Variants in HDAC4 observed in about 807,000 individuals in gnomAD.
HDAC4 encodes histone deacetylase 4, also known as histone deacetylase A.
In HDAC4, 16 loss-of-function variants were observed where a neutral mutation model predicts 135.1. The ratio of observed to expected loss-of-function variants is 0.12; its 90% CI spans 0.08 to 0.18. The LOEUF (loss-of-function observed/expected upper bound fraction) is 0.18. HDAC4 is among the 10% of genes least tolerant of loss of function. HDAC4 has a pLI of 1.00. For synonymous variants in HDAC4, 685 were observed against 653.4 expected (o/e 1.05, Z -0.74); for missense variants, 1,143 against 1,511.8 (o/e 0.76, Z 4.05).
chr2:239,189,963 T>C lies in HDAC4; in HGVS notation c.209A>G (p.Gln70Arg). ...PVAEPALREQ[Q>R]LQQELLALKQ... is the part of the protein sequence containing the mutation. ...GAGCGCCAGGAGCTCCTGCTGCAGC[T>C]GCTGCTCCCGCAGGGCCGGCTCTGC... The change falls in exon 4 of 27, where the codon CAG becomes CGG. Residue 70 changes from glutamine (Q) to arginine (R), a missense_variant. This residue lies in a region of HDAC4 where 247 missense variants were observed against 310.0 expected (regional missense o/e 0.80). Transcript: ENST00000543185. 6.2e-7 allele frequency: 1 copy of C among 1,608,960 alleles called. No homozygotes were observed. Among genetic ancestry groups the C allele is most frequent in the Middle Eastern group, 1.7e-4 (1 of 5,920 alleles).
At chr2:239,213,107 C>T (rs943368473) in intron 3 of HDAC4, among the ~76,000 whole-genome samples, 24 of 152,198 alleles carry the variant, frequency 1.6e-4, no homozygotes, top group Non-Finnish European at 2.9e-4. Context: ...TCTCTGGTCC[C>T]GCCAGTACCC....
rs745999402 is a variant in HDAC4, at chr2:239,190,037, C to G, written c.135G>C (p.Ser45=). ...CCAGGCGCAGGTCCATGGGCACTGC[C>G]GAGGGGGCCACTTGCAGAGGCAGCG... ...ATALPLQVAP[S]AVPMDLRLDH... is the part of the protein sequence containing the mutation. Residue 45 remains serine (S), a synonymous_variant, in exon 4 of 27, where the codon TCG becomes TCC. Coordinates refer to ENST00000543185, the MANE Select transcript of HDAC4 (RefSeq NM_001378414.1). 3.7e-6 allele frequency: 6 copies of G among 1,603,456 alleles called. No homozygotes were observed. The highest frequency in any genetic ancestry group is 5.1e-6 in the Non-Finnish European group (6 of 1,179,458).
At chr2:239,108,399 G>A (rs2152786687) in intron 14 of HDAC4, among the ~76,000 whole-genome samples, 1 of 152,258 alleles carries the variant, frequency 6.6e-6, no homozygotes, top group South Asian at 2.1e-4. Context: ...GGGTGGGAGG[G>A]CCTGCCTGTC....
At chr2:239,246,384 T>C (rs1305574265) in intron 2 of HDAC4, among the ~76,000 whole-genome samples, 3 of 152,198 alleles carry the variant, frequency 2.0e-5, no homozygotes, top group Non-Finnish European at 4.4e-5. Context: ...CCGGGGTTGC[T>C]GCAGGCCACA....
At chr2:239,194,894 C>T (rs934283855) in intron 3 of HDAC4, among the ~76,000 whole-genome samples, 12 of 152,242 alleles carry the variant, frequency 7.9e-5, no homozygotes, top group Non-Finnish European at 1.6e-4. Context: ...TGATCCGCCC[C>T]TGGCAGTGCT....
At chr2:239,249,161 C>T (rs572153886) in intron 2 of HDAC4, among the ~76,000 whole-genome samples, 130 of 152,294 alleles carry the variant, frequency 8.5e-4, no homozygotes, top group African/African-American at 3.1e-3. Context: ...GAGGTACACA[C>T]GAGGTGGAGG....
intron 3 of HDAC4, among the ~76,000 whole-genome samples, chr2:239,191,671 C>T (rs560104269): frequency 6.6e-6 from 1 of 152,328 alleles, no homozygotes; most frequent in East Asian, 1.9e-4. Context: ...GCTCCTGGTG[C>T]CCAGGGTGAG....
intron 1 of HDAC4, among the ~76,000 whole-genome samples, chr2:239,392,721 T>A (rs894635577): frequency 6.6e-6 from 1 of 152,134 alleles, no homozygotes; most frequent in African/African-American, 2.4e-5. Context: ...AAGTCCTCAA[T>A]AGCCAGCTGG....
At position 239,398,783 on chromosome 2, in the gene HDAC4, C is replaced by T. The variant is rs1341340195; in HGVS notation, c.-220+2195G>A. ...GTCCTTCGTCCCTAGGCCTTCCAGG[C>T]CCATATGCAGTCCAGTCATCTTCCC... On this transcript the variant is annotated intron_variant, in intron 1 of 26. Transcript: ENST00000543185. Among the ~76,000 whole-genome samples the T allele has an allele frequency of 3.3e-5, 5 of 152,370 alleles. No individual in the cohort carries two copies. In the East Asian group the frequency reaches 7.7e-4, roughly 23 times the overall value.
At chr2:239,153,620 T>TA (rs1341366994) in intron 7 of HDAC4, among the ~76,000 whole-genome samples, 1 of 152,230 alleles carries the variant, frequency 6.6e-6, no homozygotes, top group Non-Finnish European at 1.5e-5. Flanking sequence ...GATGACTTTT[T>TA]AAAAAACTGA....
chr2:239,383,614 G>A (rs979380708), intron 1 of HDAC4, among the ~76,000 whole-genome samples: 2 of 152,060 alleles, frequency 1.3e-5, no homozygotes, highest in African/African-American at 2.4e-5. Flanking sequence ...CTCAAAGAGC[G>A]CCCGATCAAT....
At position 239,052,143 on chromosome 2, in the gene HDAC4, AC is replaced by A. The variant is rs989721043; in HGVS notation, c.*953del. 11 of 152,528 alleles carry A rather than the reference AC, an allele frequency of 7.2e-5. No individual in the cohort carries two copies. Among genetic ancestry groups the A allele is most frequent in the African/African-American group, 2.6e-4 (11 of 41,518 alleles). The allele number at this position is 152,528 out of a possible 1,614,324, so 9.4% of individuals were successfully genotyped here. ...CGTTTAAAATTTGTTGGACTTCAAA[AC>A]CTCCAACGGGATTTGCCACTTTTTT... is the stretch of plus-strand genomic sequence containing the variant. On this transcript the variant is annotated 3_prime_UTR_variant, in exon 27 of 27. Coordinates refer to ENST00000543185, the MANE Select transcript of HDAC4 (RefSeq NM_001378414.1).
chr2:239,143,241 T>C (rs1355968182), intron 8 of HDAC4, among the ~76,000 whole-genome samples: 1 of 148,116 alleles, frequency 6.8e-6, no homozygotes, highest in Non-Finnish European at 1.5e-5. Context: ...GAAGACTCCG[T>C]CTCACCCACT....
At chr2:239,073,801 G>A (rs2034449282) in intron 22 of HDAC4, among the ~76,000 whole-genome samples, 1 of 152,242 alleles carries the variant, frequency 6.6e-6, no homozygotes, top group South Asian at 2.1e-4. Context: ...AGTCTAGTCA[G>A]TGGCAGGATG....
chr2:239,097,090 G>A (rs1321254588), intron 16 of HDAC4, among the ~76,000 whole-genome samples: 1 of 152,232 alleles, frequency 6.6e-6, no homozygotes, highest in Non-Finnish European at 1.5e-5. Context: ...GCGCCATGCA[G>A]ATGCTGTGAC....
intron 2 of HDAC4, among the ~76,000 whole-genome samples, chr2:239,295,024 T>C (rs2125551307): frequency 6.6e-6 from 1 of 152,234 alleles, no homozygotes; most frequent in Middle Eastern, 3.4e-3. Flanking sequence ...AAGATGATTA[T>C]AGGCCGGGCG....
chr2:239,395,980 T>A (rs1479134498), intron 1 of HDAC4, among the ~76,000 whole-genome samples: 2 of 152,126 alleles, frequency 1.3e-5, no homozygotes, highest in Non-Finnish European at 2.9e-5. Context: ...ATATATAAAC[T>A]TTTTTGGGGG....
rs562391142 is a variant in HDAC4, at chr2:239,360,934, G to A, written c.-219-8016C>T. On this transcript the variant is annotated intron_variant, in intron 1 of 26. Transcript: ENST00000543185. Reference sequence around the variant, plus strand: ...TCTGGGAAATGTAAGTTCTCCAGACGGCTTAGAGGCTGCAGGTAAGGACAG... The same window carrying A: ...TCTGGGAAATGTAAGTTCTCCAGACAGCTTAGAGGCTGCAGGTAAGGACAG... Among the ~76,000 whole-genome samples the A allele has an allele frequency of 1.3e-3, 197 of 152,252 alleles. 8 individuals carry two copies. In the South Asian group the frequency reaches 0.038, roughly 30 times the overall value.
Position 239,048,536 on chromosome 2 carries a change from GGTGA to G in HDAC4, c.*4557_*4560del, listed in dbSNP as rs2030302961. 6.7e-6 allele frequency: 1 copy of G among 149,978 alleles called. No individual in the cohort carries two copies. Among genetic ancestry groups the G allele is most frequent in the Non-Finnish European group, 1.5e-5 (1 of 67,760 alleles). 9.3% of individuals were successfully genotyped at this position (149,978 alleles called of 1,614,324 possible). A position where few individuals can be genotyped will look rare whatever the true frequency, so the allele number is the denominator to read the frequency against. ...TACCACATTCCGTAAGAAGCTCTTG[GGTGA>G]GTAAGGTTCAAGCCCCCTGTATAGA... On this transcript the variant is annotated 3_prime_UTR_variant, in exon 27 of 27. Coordinates refer to ENST00000543185, the MANE Select transcript of HDAC4 (RefSeq NM_001378414.1).
Sources: gnomAD v4.1 joint callset for allele counts (sites outside exome capture counted in the v4.1 genomes callset) on GRCh38, gnomAD v4.1.1 for gene constraint, gnomAD v4.1.1 regional missense constraint, MANE v1.5 for transcripts, NCBI Gene and HGNC (gene_info 2026-07-23, HGNC 2026-07-21) for gene names.